The following KLHL26 variants were observed in gnomAD, a reference collection of about 807,000 sequenced individuals.
KLHL26 encodes the protein kelch-like protein 26.
KLHL26 carries 4 observed loss-of-function variants against 7.1 expected under a neutral mutation model. The ratio of observed to expected loss-of-function variants is 0.56; its 90% CI spans 0.28 to 1.28. The LOEUF is 1.28. Ranked by LOEUF, KLHL26 falls within the 50% of genes most tolerant of loss-of-function variation. The pLI is 0.11. For missense variants in KLHL26, 896 were observed against 924.6 expected (o/e 0.97, Z 0.40); for synonymous variants, 465 against 414.1 (o/e 1.12, Z -1.49).
intron 1 of KLHL26, among the ~76,000 whole-genome samples, chr19:18,637,995 T>A (rs1166551488): frequency 6.6e-6 from 1 of 152,094 alleles, no homozygotes; most frequent in Non-Finnish European, 1.5e-5. Flanking sequence ...TAATGATATG[T>A]GTGTGCATGC....
rs2052248138 is a variant in KLHL26 at position 18,650,900 on chromosome 19, C to A, written c.84-13361C>A. On this transcript the variant is annotated intron_variant, in intron 1 of 2. Transcript: ENST00000300976. This position sits in a 1 kb window ranked among gnomAD's most constrained non-coding sequence, Gnocchi z 4.2. ...TCAGCGGGGCTTCCTGACCCCTCAG[C>A]CCCGGTAGGAAGCTGGTGTGCACTG... Among the ~76,000 whole-genome samples, 1 of 152,128 alleles carries A rather than the reference C, an allele frequency of 6.6e-6. No individual in the cohort carries two copies. The highest frequency in any genetic ancestry group is 2.4e-5 in the African/African-American group (1 of 41,430).
In KLHL26 at chr19:18,650,189, C is replaced by A. The variant is rs1204424243; in HGVS notation, c.83+13052C>A. On this transcript the variant is annotated intron_variant, in intron 1 of 2. Transcript: ENST00000300976. This position sits in a 1 kb window ranked among gnomAD's most constrained non-coding sequence, Gnocchi z 4.2. ...CACAGGGGTCAAAGACGGACCCGGG[C>A]GGGAGCGGTCTGGGCTGGATATCCG... Among the ~76,000 whole-genome samples the A allele has an allele frequency of 6.6e-6, 1 of 151,854 alleles. No individual in the cohort carries two copies.
In KLHL26 at chr19:18,660,882, G is replaced by C. The variant is rs75129998; in HGVS notation, c.84-3379G>C. Among the ~76,000 whole-genome samples, 464 of 152,326 alleles carry C rather than the reference G, an allele frequency of 3.0e-3. 5 individuals carry two copies. Among genetic ancestry groups the C allele is most frequent in the African/African-American group, 0.011 (450 of 41,572 alleles). ...CACCAGGGCATGAGGAGGAGGCCTGGGGAGGACAAGCTGCTTCCTCCCCTC... is the reference window on the plus strand; with the variant it reads ...CACCAGGGCATGAGGAGGAGGCCTGCGGAGGACAAGCTGCTTCCTCCCCTC... On this transcript the variant is annotated intron_variant, in intron 1 of 2. Coordinates refer to ENST00000300976, the MANE Select transcript of KLHL26 (RefSeq NM_018316.3).
intron 1 of KLHL26, among the ~76,000 whole-genome samples, chr19:18,638,379 C>T (rs1043015020): frequency 5.3e-5 from 8 of 152,142 alleles, no homozygotes; most frequent in African/African-American, 1.9e-4. Flanking sequence ...AAAGGCCCTG[C>T]CTGTTCCTGA....
chr19:18,652,248 G>A (rs2052267166), intron 1 of KLHL26, among the ~76,000 whole-genome samples: 1 of 152,168 alleles, frequency 6.6e-6, no homozygotes, highest in Non-Finnish European at 1.5e-5. Flanking sequence ...TAGGACTCGG[G>A]CCAGGAGGTC....
In KLHL26 at chr19:18,656,061, C is replaced by T. The variant is rs2145394489; in HGVS notation, c.84-8200C>T. Among the ~76,000 whole-genome samples the T allele has an allele frequency of 6.6e-6, 1 of 152,292 alleles. No individual in the cohort carries two copies. The highest frequency in any genetic ancestry group is 6.5e-5 in the Admixed American group (1 of 15,292). ...TCCTCATCTAGAACACCCCCATGCT[C>T]CTGAGATGACAGCTTGCAAACCACT... On this transcript the variant is annotated intron_variant, in intron 1 of 2. Transcript: ENST00000300976. The surrounding 1 kb of genome is among the most constrained non-coding windows in gnomAD (Gnocchi z 4.4).
At chr19:18,654,344 C>T (rs1433709415) in intron 1 of KLHL26, among the ~76,000 whole-genome samples, 1 of 147,318 alleles carries the variant, frequency 6.8e-6, no homozygotes, top group East Asian at 2.1e-4. Flanking sequence ...CCAATCCACT[C>T]ATCCACCATC....
rs778037528 is a variant in KLHL26 at position 18,668,323 on chromosome 19, C to T, written c.926C>T (p.Pro309Leu). 1.2e-6 allele frequency: 2 copies of T among 1,610,312 alleles called. No homozygotes were observed. The highest frequency in any genetic ancestry group is 1.7e-5 in the Admixed American group (1 of 59,990). ...CGCACCGCCGTGCGCTCGGATGTGCCCTCGCTCGTCACCTTCGGCGGCACG... is the reference window on the plus strand; with the variant it reads ...CGCACCGCCGTGCGCTCGGATGTGCTCTCGCTCGTCACCTTCGGCGGCACG... ...SPRTAVRSDV[P>L]SLVTFGGTPY... is the part of the protein sequence containing the mutation. The change falls in exon 3 of 3, where the codon CCC (proline) becomes CTC (leucine). Residue 309 changes from proline (P) to leucine (L), a missense_variant. Coordinates refer to ENST00000300976, the MANE Select transcript of KLHL26 (RefSeq NM_018316.3).
intron 1 of KLHL26, among the ~76,000 whole-genome samples, chr19:18,660,100 G>T (rs2052377243): frequency 6.6e-6 from 1 of 152,178 alleles, no homozygotes; most frequent in African/African-American, 2.4e-5. Context: ...CCACCTGGGG[G>T]AGTTTACCCC....
At chr19:18,664,935 G>A (rs773735735) in intron 2 of KLHL26, among the ~76,000 whole-genome samples, 4 of 151,988 alleles carry the variant, frequency 2.6e-5, no homozygotes, top group Admixed American at 6.5e-5. Context: ...CAGGTTTCCC[G>A]GAGTTTGCAT....
At chr19:18,657,992 G>C (rs1445841220) in intron 1 of KLHL26, among the ~76,000 whole-genome samples, 1 of 151,976 alleles carries the variant, frequency 6.6e-6, no homozygotes, top group Non-Finnish European at 1.5e-5. Context: ...GGTCACCATG[G>C]CAACAGTACT....
chr19:18,660,142 A>G (rs1442782710), intron 1 of KLHL26, among the ~76,000 whole-genome samples: 1 of 152,172 alleles, frequency 6.6e-6, no homozygotes, highest in Non-Finnish European at 1.5e-5. Context: ...GCCCTAGCAC[A>G]TCCCTGCACT....
At position 18,637,128 on chromosome 19, in the gene KLHL26, G is replaced by A. The variant is rs1338572942; in HGVS notation, c.74G>A (p.Arg25His). 2 of 1,351,798 alleles carry A rather than the reference G, an allele frequency of 1.5e-6. No individual in the cohort carries two copies. The highest frequency in any genetic ancestry group is 3.9e-5 in the Admixed American group (1 of 25,698). 83.7% of individuals were successfully genotyped at this position (1,351,798 alleles called of 1,614,324 possible). Residue 25 changes from arginine to histidine, a missense_variant, in exon 1 of 3, where the codon CGC (arginine) becomes CAC (histidine). By Grantham distance (29) the Arg-to-His change is conservative. Transcript: ENST00000300976. ...TTCGGCGCGGGCCCGGGCCCCGAGC[G>A]CCCGAACAGGTGAGACCCGGCCCGC... is the stretch of plus-strand genomic sequence containing the variant. ...GAFGAGPGPE[R>H]PNSTADKNGA...
chr19:18,665,454 C>T (rs1447139468), intron 2 of KLHL26, among the ~76,000 whole-genome samples: 2 of 152,252 alleles, frequency 1.3e-5, no homozygotes, highest in Non-Finnish European at 2.9e-5. Context: ...CCCCTGCCCT[C>T]AGGGCATCCC....
intron 1 of KLHL26, among the ~76,000 whole-genome samples, chr19:18,647,408 G>A (rs933945291): frequency 2.0e-5 from 3 of 152,202 alleles, no homozygotes; most frequent in African/African-American, 7.2e-5. Flanking sequence ...CACTGTAAAA[G>A]GGAGGCTTTC....
In KLHL26 at chr19:18,655,390, C is replaced by T. The variant is rs543187686; in HGVS notation, c.84-8871C>T. Reference sequence around the variant, plus strand: ...GATCAGAGGCCCACCCACCTGGGACCGGGGAGAGGTCGACCAGCACCCGTG... The same window carrying T: ...GATCAGAGGCCCACCCACCTGGGACTGGGGAGAGGTCGACCAGCACCCGTG... On this transcript the variant is annotated intron_variant, in intron 1 of 2. Transcript: ENST00000300976. 2.7e-4 allele frequency among the ~76,000 whole-genome samples: 41 copies of T among 152,292 alleles called. No homozygotes were observed. In the South Asian group the frequency reaches 3.7e-3, roughly 14 times the overall value.
chr19:18,641,109 C>G (rs1254471413), intron 1 of KLHL26, among the ~76,000 whole-genome samples: 1 of 151,746 alleles, frequency 6.6e-6, no homozygotes, highest in Non-Finnish European at 1.5e-5. Context: ...CCCTGGAACT[C>G]CTGGGTTCAA....
intron 1 of KLHL26, among the ~76,000 whole-genome samples, chr19:18,652,275 G>A (rs919335922): frequency 3.9e-5 from 6 of 152,236 alleles, no homozygotes; most frequent in African/African-American, 1.4e-4. Flanking sequence ...GGAGGAACAA[G>A]CAGTGAGCTA....
At chr19:18,643,800 C>T (rs1184294556) in intron 1 of KLHL26, among the ~76,000 whole-genome samples, 1 of 152,062 alleles carries the variant, frequency 6.6e-6, no homozygotes, top group Non-Finnish European at 1.5e-5. Context: ...GATTATGTTG[C>T]CCAGGCTGGT....
Sources: gnomAD v4.1 joint callset for allele counts (sites outside exome capture counted in the v4.1 genomes callset) on GRCh38, gnomAD v4.1.1 for gene constraint, Gnocchi (gnomAD v3.1) non-coding constraint, MANE v1.5 for transcripts, NCBI Gene and HGNC (gene_info 2026-07-23, HGNC 2026-07-21) for gene names.